CNTNAP2: variants seen among roughly 807,000 people sequenced by gnomAD.
CNTNAP2 encodes the protein contactin associated protein 2, also known as contactin-associated protein-like 2.
In CNTNAP2, 98 loss-of-function variants were observed where a neutral mutation model predicts 155.2. That is an observed-to-expected ratio of 0.63 (90% CI 0.54 to 0.75). CNTNAP2 has a LOEUF of 0.75. Among genes scored for constraint, CNTNAP2 ranks in the 30% least tolerant of loss-of-function variants. The pLI is 0.00. For missense variants in CNTNAP2, 1,727 were observed against 1,688.1 expected (o/e 1.02, Z -0.40); for synonymous variants, 651 against 631.2 (o/e 1.03, Z -0.47).
chr7:147,688,121 T>G (rs959586227), intron 13 of CNTNAP2, among the ~76,000 whole-genome samples: 1 of 151,918 alleles, frequency 6.6e-6, no homozygotes, highest in Non-Finnish European at 1.5e-5. Flanking sequence ...TTTCTATTCC[T>G]CTCTCTCTCT....
chr7:147,421,742 G>A (rs941223562), intron 10 of CNTNAP2, among the ~76,000 whole-genome samples: 13 of 151,998 alleles, frequency 8.6e-5, no homozygotes, highest in Admixed American at 3.3e-4. Flanking sequence ...TTTGGGTCAC[G>A]GGGGTGGATC....
At chr7:146,986,341 T>C (rs1273843434) in intron 3 of CNTNAP2, among the ~76,000 whole-genome samples, 1 of 152,222 alleles carries the variant, frequency 6.6e-6, no homozygotes, top group Non-Finnish European at 1.5e-5. Context: ...TTCATTCCTT[T>C]TTATGGCTGA....
At chr7:147,410,665 T>C (rs1024220164) in intron 10 of CNTNAP2, among the ~76,000 whole-genome samples, 12 of 152,204 alleles carry the variant, frequency 7.9e-5, no homozygotes, top group African/African-American at 2.9e-4. Flanking sequence ...TGTGGCTATT[T>C]CACACTTAAA....
rs184455951 is a variant in CNTNAP2, at chr7:146,935,629, T to C, written c.402+95725T>C. On this transcript the variant is annotated intron_variant, in intron 3 of 23. Transcript: ENST00000361727. ...CAAACTCTACTTTAAAGGCTATAAT[T>C]ACACAGCAGATTTTAAATTCTCTTG... Among the ~76,000 whole-genome samples, 31 of 152,308 alleles carry C rather than the reference T, an allele frequency of 2.0e-4. No homozygotes were observed. The East Asian group carries it at 2.9e-3, about 14-fold the overall frequency.
intron 1 of CNTNAP2, among the ~76,000 whole-genome samples, chr7:146,388,794 T>C (rs188829541): frequency 6.6e-6 from 1 of 152,318 alleles, no homozygotes; most frequent in East Asian, 1.9e-4. Flanking sequence ...ACCTTCCTTC[T>C]ACTCTCTATG....
chr7:147,736,980 G>A (rs1019995708), intron 13 of CNTNAP2, among the ~76,000 whole-genome samples: 13 of 152,126 alleles, frequency 8.5e-5, no homozygotes, highest in African/African-American at 2.9e-4. Context: ...TCTTCCTTTA[G>A]CTCAGACAAG....
chr7:147,778,034 C>A (rs919041897), intron 13 of CNTNAP2, among the ~76,000 whole-genome samples: 2 of 151,954 alleles, frequency 1.3e-5, no homozygotes, highest in African/African-American at 4.8e-5. Context: ...TCCTATGGAA[C>A]TTTTTACCAT....
At chr7:146,934,642 A>T (rs868567818) in intron 3 of CNTNAP2, among the ~76,000 whole-genome samples, 1 of 152,184 alleles carries the variant, frequency 6.6e-6, no homozygotes, top group African/African-American at 2.4e-5. Flanking sequence ...AACAATGGAC[A>T]TGTATTCGCA....
intron 3 of CNTNAP2, among the ~76,000 whole-genome samples, chr7:146,872,248 GA>G (rs1225681293): frequency 3.8e-5 from 5 of 132,696 alleles, no homozygotes; most frequent in Non-Finnish European, 7.8e-5. Context: ...GATATCACAA[GA>G]AAAAAGTATA....
At chr7:147,812,099 C>T (rs780399548) in intron 13 of CNTNAP2, among the ~76,000 whole-genome samples, 5 of 151,950 alleles carry the variant, frequency 3.3e-5, no homozygotes. Context: ...AAGGAGGTGA[C>T]ATTTATGAGA....
intron 3 of CNTNAP2, among the ~76,000 whole-genome samples, chr7:146,863,527 A>G (rs1019800901): frequency 2.0e-4 from 30 of 151,356 alleles, no homozygotes; most frequent in Admixed American, 1.9e-3. Flanking sequence ...CAAAATAACT[A>G]ATTAAATACA....
intron 1 of CNTNAP2, among the ~76,000 whole-genome samples, chr7:146,281,625 T>C (rs1800253122): frequency 6.6e-6 from 1 of 151,944 alleles, no homozygotes; most frequent in Non-Finnish European, 1.5e-5. Context: ...TGAAACCCTG[T>C]CTCTATTAAA....
chr7:148,072,000 G>A (rs1163461513), intron 15 of CNTNAP2, among the ~76,000 whole-genome samples: 3 of 152,270 alleles, frequency 2.0e-5, no homozygotes, highest in Non-Finnish European at 2.9e-5. Context: ...TATCTGACTA[G>A]CGTATTAGTT....
intron 12 of CNTNAP2, among the ~76,000 whole-genome samples, chr7:147,620,807 G>A (rs1794832232): frequency 6.6e-6 from 1 of 152,086 alleles, no homozygotes; most frequent in Non-Finnish European, 1.5e-5. Context: ...GGTAGAAAAA[G>A]AGATGGGGTA....
At chr7:147,800,965 C>G (rs1020322483) in intron 13 of CNTNAP2, among the ~76,000 whole-genome samples, 1 of 152,186 alleles carries the variant, frequency 6.6e-6, no homozygotes, top group East Asian at 1.9e-4. Context: ...AGTAGGCTAT[C>G]CCATCTAGGT....
At chr7:146,793,569 G>A (rs368997623) in intron 2 of CNTNAP2, among the ~76,000 whole-genome samples, 1 of 152,242 alleles carries the variant, frequency 6.6e-6, no homozygotes, top group Non-Finnish European at 1.5e-5. Context: ...ACATCAATTT[G>A]CAGGGCAGTC....
intron 12 of CNTNAP2, among the ~76,000 whole-genome samples, chr7:147,624,994 T>G (rs994934954): frequency 6.6e-6 from 1 of 152,204 alleles, no homozygotes; most frequent in South Asian, 2.1e-4. Flanking sequence ...TTAAGTGAAA[T>G]AAGCCAGGCA....
intron 8 of CNTNAP2, among the ~76,000 whole-genome samples, chr7:147,159,445 T>C (rs759596385): frequency 1.8e-4 from 28 of 152,120 alleles, no homozygotes; most frequent in Non-Finnish European, 3.4e-4. Flanking sequence ...AAGTCAGATA[T>C]ACCTATTTAT....
chr7:146,442,388 G>A (rs1584927497), intron 1 of CNTNAP2, among the ~76,000 whole-genome samples: 1 of 147,108 alleles, frequency 6.8e-6, no homozygotes, highest in African/African-American at 2.7e-5. Flanking sequence ...GGTGAGATAG[G>A]TACAAATGCA....
Sources: gnomAD v4.1 joint callset for allele counts (sites outside exome capture counted in the v4.1 genomes callset) on GRCh38, gnomAD v4.1.1 for gene constraint, MANE v1.5 for transcripts, NCBI Gene and HGNC (gene_info 2026-07-23, HGNC 2026-07-21) for gene names.